The following BCAT2 variants were observed in gnomAD, a reference collection of about 807,000 sequenced individuals.
BCAT2 encodes branched chain amino acid transaminase 2, also known as branched-chain-amino-acid aminotransferase, mitochondrial.
Under a neutral mutation model 52.9 loss-of-function variants are expected in BCAT2, and 44 were observed. That is an observed-to-expected ratio of 0.83 (90% CI 0.65 to 1.07). The LOEUF (loss-of-function observed/expected upper bound fraction) is 1.07. Among genes scored for constraint, BCAT2 ranks in the 50% least tolerant of loss-of-function variants. The pLI, the probability that BCAT2 is intolerant of heterozygous loss-of-function variation, is 0.00. For synonymous variants in BCAT2, 215 were observed against 217.1 expected (o/e 0.99, Z 0.08); for missense variants, 478 against 521.8 (o/e 0.92, Z 0.82).
At chr19:48,809,406 A>G (rs955914765) in intron 1 of BCAT2, among the ~76,000 whole-genome samples, 2 of 152,088 alleles carry the variant, frequency 1.3e-5, no homozygotes, top group Non-Finnish European at 2.9e-5. Context: ...GTCAAAGCCC[A>G]GCAGTGCCCT....
chr19:48,796,859 G>T (rs558301609), intron 8 of BCAT2, 78 bp downstream of exon 8: 3 of 1,595,282 alleles, frequency 1.9e-6, no homozygotes, highest in Non-Finnish European at 1.7e-6. Context: ...AGACATGCCA[G>T]TGTGCCCCAG....
rs765824991 is a variant in BCAT2, at chr19:48,795,476, C to T, written c.1141-12G>A. On this transcript the variant is annotated splice_polypyrimidine_tract_variant and intron_variant, in intron 10 of 10. Transcript: ENST00000316273. ...GCTCTGATTCCGTACTGCGGAACAA[C>T]GGAGGCAGTGCGTGAGGTGGAAGCT... is the stretch of plus-strand genomic sequence containing the variant. 6.2e-7 allele frequency: 1 copy of T among 1,613,740 alleles called. No homozygotes were observed. The highest frequency in any genetic ancestry group is 8.5e-7 in the Non-Finnish European group (1 of 1,179,880).
intron 2 of BCAT2, 111 bp from the exon 3 acceptor site, chr19:48,806,828 C>A: frequency 6.9e-7 from 1 of 1,441,126 alleles, no homozygotes; most frequent in East Asian, 2.3e-5. Flanking sequence ...GACCTGTCAC[C>A]CTGGAGGATT....
At chr19:48,797,861 G>A (rs2034565557) in intron 6 of BCAT2, among the ~76,000 whole-genome samples, 1 of 146,074 alleles carries the variant, frequency 6.8e-6, no homozygotes, top group South Asian at 2.2e-4. Flanking sequence ...CCCAGGCTGA[G>A]GCTAGAGTGC....
chr19:48,797,738 G>A (rs976722780), intron 6 of BCAT2, among the ~76,000 whole-genome samples: 5 of 150,848 alleles, frequency 3.3e-5, no homozygotes, highest in South Asian at 2.1e-4. Flanking sequence ...GTGAGCCACC[G>A]CGCCCAGCCC....
chr19:48,799,532 G>T lies in BCAT2; in HGVS notation c.695+143C>A, dbSNP rs1400668427. On this transcript the variant is annotated intron_variant, in intron 6 of 10. Coordinates refer to ENST00000316273, the MANE Select transcript of BCAT2 (RefSeq NM_001190.4). This position sits in a 1 kb window ranked among gnomAD's most constrained non-coding sequence, Gnocchi z 5.5. ...TGGTTTGTTTTCAGGGACCAGGGAG[G>T]TCACTTAGCACTGAGCCCTGCACGG... 1 of 1,050,396 alleles carries T rather than the reference G, an allele frequency of 9.5e-7. No homozygotes were observed. The highest frequency in any genetic ancestry group is 1.3e-6 in the Non-Finnish European group (1 of 774,770). 65.1% of individuals were successfully genotyped at this position (1,050,396 alleles called of 1,614,324 possible).
intron 1 of BCAT2, among the ~76,000 whole-genome samples, chr19:48,808,990 C>T (rs2034857523): frequency 7.3e-6 from 1 of 137,276 alleles, no homozygotes; most frequent in Admixed American, 8.2e-5. Flanking sequence ...GGGAGGATCA[C>T]CTTGACCTAC....
Position 48,800,085 on chromosome 19 carries a change from C to A in BCAT2, c.427G>T (p.Glu143Ter). ...RLCLPSFDKL[E>*]LLECIRRLIE... The stretch of plus-strand genomic sequence containing the variant: ...AGCCGGCGGATGCACTCCAGCAACT[C>A]CAGCTTGTCGAAACTCTGGGTGGGA... The change falls in exon 5 of 11, where the codon GAG becomes TAG. Residue 143 changes from glutamate (E) to a stop codon, truncating the protein, a stop_gained. Coordinates refer to ENST00000316273, the MANE Select transcript of BCAT2 (RefSeq NM_001190.4). LOFTEE classifies it high-confidence loss of function. 1 of 1,614,020 alleles carries A rather than the reference C, an allele frequency of 6.2e-7. No homozygotes were observed. Among genetic ancestry groups the A allele is most frequent in the Non-Finnish European group, 8.5e-7 (1 of 1,179,918 alleles).
intron 1 of BCAT2, chr19:48,808,218 C>G: frequency 2.0e-6 from 2 of 985,962 alleles, no homozygotes; most frequent in Non-Finnish European, 2.4e-6. Flanking sequence ...CTAGACTGCT[C>G]AGCCTTGCAG....
intron 1 of BCAT2, among the ~76,000 whole-genome samples, chr19:48,810,654 C>T (rs1054433072): frequency 6.6e-6 from 1 of 152,004 alleles, no homozygotes; most frequent in Non-Finnish European, 1.5e-5. Flanking sequence ...GATGCCCCAC[C>T]GCACCCCAGG....
chr19:48,797,558 C>CTT, intron 6 of BCAT2: 9 of 518,020 alleles, frequency 1.7e-5, no homozygotes, highest in East Asian at 6.8e-5. Context: ...CTTTTCTTTT[C>CTT]TTTTTTTTTT....
At position 48,796,606 on chromosome 19, in the gene BCAT2, GGGCAGACCT is replaced by G; in HGVS notation, c.1028_1036del (p.Gln343_Cys345del). ...GTCTTTGTACAGGATTCGGTGCACT[GGGCAGACCT>G]GGCAAGCGGTGCCCGAGCCAAAGAC... On this transcript the variant is annotated inframe_deletion, in exon 9 of 11. Transcript: ENST00000316273. 2 of 1,613,562 alleles carry G rather than the reference GGGCAGACCT, an allele frequency of 1.2e-6. No homozygotes were observed. The highest frequency in any genetic ancestry group is 1.7e-6 in the Non-Finnish European group (2 of 1,180,000).
In BCAT2 at chr19:48,807,824, A is replaced by C. The variant is rs1203422036; in HGVS notation, c.25-750T>G. On this transcript the variant is annotated intron_variant, in intron 1 of 10. Coordinates refer to ENST00000316273, the MANE Select transcript of BCAT2 (RefSeq NM_001190.4). The surrounding 1 kb of genome is among the most constrained non-coding windows in gnomAD (Gnocchi z 4.6). Reference sequence around the variant, plus strand: ...GCCCCTGGGGCTGAGGGGCAGCTACAGGGGCCTGGGGAGCCACTGCAGTCC... The same window carrying C: ...GCCCCTGGGGCTGAGGGGCAGCTACCGGGGCCTGGGGAGCCACTGCAGTCC... The C allele has an allele frequency of 1.0e-6, 1 of 985,546 alleles. No homozygotes were observed. The highest frequency in any genetic ancestry group is 1.7e-5 in the African/African-American group (1 of 57,240). The allele number at this position is 985,546 out of a possible 1,614,324, so 61.1% of individuals were successfully genotyped here.
At chr19:48,795,489 T>C (rs1555772899) in intron 10 of BCAT2, 25 bp from the exon 11 acceptor site, 4 of 1,612,996 alleles carry the variant, frequency 2.5e-6, no homozygotes, top group Non-Finnish European at 3.4e-6. Context: ...AGGCAGTGCG[T>C]GAGGTGGAAG....
rs923538017 is a variant in BCAT2, at chr19:48,795,596, G to A, written c.1141-132C>T. The A allele has an allele frequency of 4.0e-5, 40 of 1,006,958 alleles. No homozygotes were observed. The Admixed American group carries it at 7.6e-4, about 19-fold the overall frequency. 62.4% of individuals were successfully genotyped at this position (1,006,958 alleles called of 1,614,324 possible). A position where few individuals can be genotyped will look rare whatever the true frequency, so the allele number is the denominator to read the frequency against. On this transcript the variant is annotated intron_variant, in intron 10 of 10. Transcript: ENST00000316273. Reference sequence around the variant, plus strand: ...CACGGGAAATGTAGTCCACTTCCCAGAGGGCCCCAACAATGATGGGAACGG... The same window carrying A: ...CACGGGAAATGTAGTCCACTTCCCAAAGGGCCCCAACAATGATGGGAACGG...
intron 3 of BCAT2, among the ~76,000 whole-genome samples, chr19:48,803,579 G>A (rs2034701448): frequency 6.6e-6 from 1 of 152,160 alleles, no homozygotes. Context: ...CAGGCTTGGT[G>A]ACTCACGCCT....
chr19:48,795,537 G>A (rs1303687565), intron 10 of BCAT2, 73 bp from the exon 11 acceptor site: 5 of 1,559,182 alleles, frequency 3.2e-6, no homozygotes, highest in Non-Finnish European at 3.5e-6. Flanking sequence ...GGGTGTTCCA[G>A]GCCGAGTGCC....
rs760111599 is a variant in BCAT2 at position 48,796,449 on chromosome 19, C to T, written c.1119G>A (p.Gln373=). Residue 373 remains glutamine (Q), a synonymous_variant, in exon 10 of 11, where the codon CAG becomes CAA. Coordinates refer to ENST00000316273, the MANE Select transcript of BCAT2 (RefSeq NM_001190.4). ...TCACCTGGATCTCCTTCAGCTCCTT[C>T]TGGAAGCGGAGGATCAGCTCAGGCC... ...ENGPELILRF[Q]KELKEIQYGI... 4 of 1,614,160 alleles carry T rather than the reference C, an allele frequency of 2.5e-6. No individual in the cohort carries two copies. The Admixed American group carries it at 5.0e-5, about 20-fold the overall frequency.
At chr19:48,796,127 G>A (rs950399644) in intron 10 of BCAT2, 31 of 505,980 alleles carry the variant, frequency 6.1e-5, no homozygotes, top group Non-Finnish European at 9.0e-5. Flanking sequence ...AGAGGCCCAC[G>A]GAGAGGGGGT....
Sources: allele counts gnomAD v4.1 joint callset (sites outside exome capture counted in the v4.1 genomes callset), GRCh38; gene constraint gnomAD v4.1.1; non-coding constraint Gnocchi (gnomAD v3.1); transcripts MANE v1.5; gene names NCBI Gene and HGNC (gene_info 2026-07-23, HGNC 2026-07-21).